Variants in RERG observed in about 807,000 individuals in gnomAD.
The protein encoded by RERG is ras-related and estrogen-regulated growth inhibitor.
In RERG, 25 loss-of-function variants were observed where a neutral mutation model predicts 23.2. That is an observed-to-expected ratio of 1.08 (90% CI 0.79 to 1.50). The LOEUF (loss-of-function observed/expected upper bound fraction) is 1.50, where lower values mean the gene tolerates loss of function less well. Among genes scored for constraint, RERG ranks in the 40% most tolerant of loss-of-function variants. The pLI, the probability that RERG is intolerant of heterozygous loss-of-function variation, is 0.00. For missense variants in RERG, 253 were observed against 250.1 expected, an observed-to-expected ratio of 1.01 and a Z score of -0.08; for synonymous variants, 81 against 89.1, an observed-to-expected ratio of 0.91 and a Z score of 0.51.
chr12:15,190,216 G>A (rs1591664036), intron 2 of RERG, among the ~76,000 whole-genome samples: 2 of 152,100 alleles, frequency 1.3e-5, no homozygotes, highest in African/African-American at 4.8e-5. Context: ...AGGGTTCCAG[G>A]GGTGTCCAAT....
intron 2 of RERG, among the ~76,000 whole-genome samples, chr12:15,206,110 T>C (rs1865286240): frequency 6.6e-6 from 1 of 152,096 alleles, no homozygotes; most frequent in African/African-American, 2.4e-5. Flanking sequence ...TCTAGCTCAA[T>C]CCCTTCCCAC....
chr12:15,142,975 G>C lies in RERG; in HGVS notation c.62-21856C>G, dbSNP rs893252831. ...GAAAAGCAAATCGCACCACAGGGAG[G>C]AGTACATTTGGAGACAAAAAGAATA... On this transcript the variant is annotated intron_variant, in intron 2 of 4. Coordinates refer to ENST00000256953, the MANE Select transcript of RERG (RefSeq NM_032918.3). 1.7e-4 allele frequency among the ~76,000 whole-genome samples: 26 copies of C among 152,150 alleles called. 1 individual carries two copies. The highest frequency in any genetic ancestry group is 6.0e-4 in the African/African-American group (25 of 41,442).
intron 2 of RERG, among the ~76,000 whole-genome samples, chr12:15,208,138 T>C (rs1865317968): frequency 6.6e-6 from 1 of 152,186 alleles, no homozygotes; most frequent in Admixed American, 6.5e-5. Flanking sequence ...AAATCCTGCC[T>C]TAAGATTGCA....
At chr12:15,168,335 C>T (rs143918487) in intron 2 of RERG, among the ~76,000 whole-genome samples, 1,801 of 152,270 alleles carry the variant, frequency 0.012, 98 homozygotes, top group Admixed American at 0.099. Flanking sequence ...TGCACTGAGC[C>T]TAAAGACTCA....
chr12:15,138,414 T>C (rs1864180117), intron 2 of RERG, among the ~76,000 whole-genome samples: 1 of 152,070 alleles, frequency 6.6e-6, no homozygotes, highest in Non-Finnish European at 1.5e-5. Context: ...CAGTTTCTAT[T>C]GACATATCCT....
chr12:15,209,635 C>G (rs1184772059), intron 2 of RERG, among the ~76,000 whole-genome samples: 2 of 152,090 alleles, frequency 1.3e-5, no homozygotes, highest in Non-Finnish European at 2.9e-5. Context: ...CTGGTACTCC[C>G]AGAGGGCTTT....
At chr12:15,203,382 A>G (rs1213226019) in intron 2 of RERG, among the ~76,000 whole-genome samples, 4 of 151,574 alleles carry the variant, frequency 2.6e-5, no homozygotes, top group Non-Finnish European at 5.9e-5. Context: ...AAATTCATGA[A>G]ATCATTAAAC....
chr12:15,203,139 T>C (rs1034514274), intron 2 of RERG, among the ~76,000 whole-genome samples: 4 of 151,818 alleles, frequency 2.6e-5, no homozygotes, highest in African/African-American at 9.7e-5. Context: ...TTAAACACTA[T>C]TCTCAGTTTT....
At chr12:15,132,885 T>C (rs2136096657) in intron 2 of RERG, among the ~76,000 whole-genome samples, 1 of 152,116 alleles carries the variant, frequency 6.6e-6, no homozygotes, top group Non-Finnish European at 1.5e-5. Flanking sequence ...CCATATTTTA[T>C]AAATGAGACG....
At chr12:15,185,820 A>T (rs1249578616) in intron 2 of RERG, among the ~76,000 whole-genome samples, 2 of 152,102 alleles carry the variant, frequency 1.3e-5, no homozygotes, top group Non-Finnish European at 2.9e-5. Context: ...TCCCCTAAAC[A>T]AAAACAAAAG....
rs1428479173 is a variant in RERG, at chr12:15,145,747, C to T, written c.62-24628G>A. On this transcript the variant is annotated intron_variant, in intron 2 of 4. Coordinates refer to ENST00000256953, the MANE Select transcript of RERG (RefSeq NM_032918.3). ...TTCACACCAGGGAGTAAAGAAGCAA[C>T]AGCAGAACCCCACGGTGGCTGAATT... 2.0e-5 allele frequency among the ~76,000 whole-genome samples: 3 copies of T among 152,222 alleles called. No individual in the cohort carries two copies. The East Asian group carries it at 5.8e-4, about 29-fold the overall frequency.
At chr12:15,199,353 A>C (rs1865187119) in intron 2 of RERG, among the ~76,000 whole-genome samples, 2 of 152,244 alleles carry the variant, frequency 1.3e-5, no homozygotes, top group Middle Eastern at 6.8e-3. Flanking sequence ...CACTTTTATC[A>C]AAAGTGCCAT....
At chr12:15,176,962 C>T (rs1475539674) in intron 2 of RERG, among the ~76,000 whole-genome samples, 1 of 152,130 alleles carries the variant, frequency 6.6e-6, no homozygotes, top group Non-Finnish European at 1.5e-5. Flanking sequence ...AGGGAAAATA[C>T]ACTTATTTGG....
intron 2 of RERG, among the ~76,000 whole-genome samples, chr12:15,146,461 T>C (rs1286653029): frequency 1.3e-5 from 2 of 152,230 alleles, no homozygotes; most frequent in African/African-American, 4.8e-5. Context: ...ATAGTCACTC[T>C]ATACATTCTT....
At chr12:15,181,719 T>C (rs1214256379) in intron 2 of RERG, among the ~76,000 whole-genome samples, 4 of 152,210 alleles carry the variant, frequency 2.6e-5, no homozygotes, top group Admixed American at 2.6e-4. Context: ...CTTTTCTCCA[T>C]TTACAGAGGA....
At chr12:15,141,312 C>T (rs577807374) in intron 2 of RERG, among the ~76,000 whole-genome samples, 39 of 152,066 alleles carry the variant, frequency 2.6e-4, no homozygotes, top group East Asian at 1.9e-4. Flanking sequence ...CCTGCCACCA[C>T]GCCCAGCTAA....
intron 2 of RERG, among the ~76,000 whole-genome samples, chr12:15,181,953 AT>A (rs1448103901): frequency 2.6e-5 from 4 of 152,196 alleles, no homozygotes; most frequent in Non-Finnish European, 4.4e-5. Flanking sequence ...CCATTTGAAA[AT>A]TCAGTCATTT....
chr12:15,185,263 C>A (rs1428310639), intron 2 of RERG, among the ~76,000 whole-genome samples: 1 of 152,102 alleles, frequency 6.6e-6, no homozygotes, highest in African/African-American at 2.4e-5. Context: ...TGATATCAAT[C>A]TCATATCAAT....
chr12:15,171,276 T>C (rs1178330595), intron 2 of RERG, among the ~76,000 whole-genome samples: 1 of 152,216 alleles, frequency 6.6e-6, no homozygotes, highest in Admixed American at 6.5e-5. Flanking sequence ...TTCTGATTTT[T>C]CCCCACATAT....
Sources: allele counts gnomAD v4.1 joint callset (sites outside exome capture counted in the v4.1 genomes callset), GRCh38; gene constraint gnomAD v4.1.1; transcripts MANE v1.5; gene names NCBI Gene and HGNC (gene_info 2026-07-23, HGNC 2026-07-21).